WWTR1: variants seen among roughly 807,000 people sequenced by gnomAD.
The protein encoded by WWTR1 is WW domain containing transcription regulator 1.
WWTR1 carries 13 observed loss-of-function variants against 40.1 expected under a neutral mutation model. The ratio of observed to expected loss-of-function variants is 0.32; its 90% CI spans 0.21 to 0.52. The LOEUF is 0.52. WWTR1 is among the 20% of genes least tolerant of loss of function. The pLI, the probability that WWTR1 is intolerant of heterozygous loss-of-function variation, is 0.97. For missense variants in WWTR1, 436 were observed against 523.1 expected, an observed-to-expected ratio of 0.83 and a Z score of 1.63; for synonymous variants, 230 against 210.1, an observed-to-expected ratio of 1.09 and a Z score of -0.82.
At chr3:149,581,740 G>C (rs1738159502) in intron 2 of WWTR1, among the ~76,000 whole-genome samples, 1 of 152,170 alleles carries the variant, frequency 6.6e-6, no homozygotes, top group Non-Finnish European at 1.5e-5. Flanking sequence ...TTGCCAAGAA[G>C]TTTCCACTTG....
intron 5 of WWTR1, among the ~76,000 whole-genome samples, chr3:149,713,827 G>T (rs529028322): frequency 6.6e-6 from 1 of 152,222 alleles, no homozygotes; most frequent in African/African-American, 2.4e-5. Context: ...CCTGTGGCAC[G>T]CATCCCTGAG....
chr3:149,583,839 A>G (rs547368827), intron 2 of WWTR1, among the ~76,000 whole-genome samples: 130 of 152,330 alleles, frequency 8.5e-4, no homozygotes, highest in African/African-American at 3.0e-3. Context: ...AACAACGAGC[A>G]GTATGGTGGT....
chr3:149,657,138 C>T lies in WWTR1; in HGVS notation c.169G>A (p.Asp57Asn). Residue 57 changes from aspartate (D) to asparagine (N), a missense_variant, in exon 2 of 7, where the codon GAT becomes AAT. Physicochemically the swap from Asp to Asn is conservative, Grantham distance 23. Transcript: ENST00000360632. ...ILPESFFKEP[D>N]SGSHSRQSST... is the part of the protein sequence containing the mutation. ...GACTGGCGCGAGTGCGAGCCCGAAT[C>T]AGGCTCCTTAAAGAAAGACTCCGGC... is the stretch of plus-strand genomic sequence containing the variant. The T allele has an allele frequency of 6.3e-7, 1 of 1,599,058 alleles. No individual in the cohort carries two copies. The highest frequency in any genetic ancestry group is 2.2e-5 in the East Asian group (1 of 44,544).
At chr3:149,641,718 C>T (rs1712182083) in intron 2 of WWTR1, among the ~76,000 whole-genome samples, 1 of 152,172 alleles carries the variant, frequency 6.6e-6, no homozygotes, top group Non-Finnish European at 1.5e-5. Flanking sequence ...CCAAATTGTC[C>T]ATAATGACCC....
At chr3:149,620,489 T>C (rs962671966) in intron 2 of WWTR1, among the ~76,000 whole-genome samples, 38 of 152,032 alleles carry the variant, frequency 2.5e-4, no homozygotes, top group African/African-American at 9.2e-4. Context: ...CCTTCAAACT[T>C]AGTTCCAAGT....
chr3:149,679,646 A>G (rs200281992), intron 1 of WWTR1, among the ~76,000 whole-genome samples: 257 of 100,874 alleles, frequency 2.5e-3, no homozygotes, highest in South Asian at 0.02. Context: ...GAATGGTGGG[A>G]AAAAAAAAAA....
chr3:149,559,064 C>T (rs2107970613), intron 3 of WWTR1, among the ~76,000 whole-genome samples: 1 of 152,238 alleles, frequency 6.6e-6, no homozygotes, highest in East Asian at 1.9e-4. Flanking sequence ...GAGGCCAAGG[C>T]AGGCAGATCA....
intron 2 of WWTR1, among the ~76,000 whole-genome samples, chr3:149,627,319 C>T (rs1026912142): frequency 6.6e-6 from 1 of 152,190 alleles, no homozygotes; most frequent in Non-Finnish European, 1.5e-5. Context: ...GAAACATCCA[C>T]CCCATTTTCA....
chr3:149,666,258 G>T (rs543632067), intron 2 of WWTR1, among the ~76,000 whole-genome samples: 56 of 152,184 alleles, frequency 3.7e-4, no homozygotes, highest in African/African-American at 1.1e-3. Context: ...CACTTTTCAT[G>T]CCTGGTCAAA....
At chr3:149,555,706 A>C (rs1237099563) in intron 3 of WWTR1, among the ~76,000 whole-genome samples, 5 of 149,776 alleles carry the variant, frequency 3.3e-5, no homozygotes, top group African/African-American at 1.2e-4. Flanking sequence ...TTATAGAACT[A>C]TAGATGATTT....
intron 2 of WWTR1, among the ~76,000 whole-genome samples, chr3:149,623,333 A>G (rs926902753): frequency 2.0e-5 from 3 of 152,240 alleles, no homozygotes; most frequent in African/African-American, 7.2e-5. Context: ...ACTGCACTCC[A>G]GCCTGGGCAA....
intron 1 of WWTR1, among the ~76,000 whole-genome samples, chr3:149,689,380 C>CAAAAAAAAAAAAA (rs3044083): frequency 1.6e-4 from 6 of 36,706 alleles, no homozygotes; most frequent in Admixed American, 4.9e-4. Context: ...GAACCTATCT[C>CAAAAAAAAAAAAA]AAAAAAAAAA....
intron 3 of WWTR1, among the ~76,000 whole-genome samples, chr3:149,568,678 G>A (rs1181318165): frequency 6.6e-6 from 1 of 152,064 alleles, no homozygotes; most frequent in Non-Finnish European, 1.5e-5. Flanking sequence ...CTCACTCCAG[G>A]ATGACTAAGT....
At chr3:149,573,904 C>T (rs1737759999) in intron 2 of WWTR1, among the ~76,000 whole-genome samples, 1 of 151,940 alleles carries the variant, frequency 6.6e-6, no homozygotes, top group South Asian at 2.1e-4. Flanking sequence ...GAGACTCTGT[C>T]CCACTCCATC....
At chr3:149,697,064 A>G (rs190361619) in intron 1 of WWTR1, among the ~76,000 whole-genome samples, 3 of 152,210 alleles carry the variant, frequency 2.0e-5, no homozygotes, top group Non-Finnish European at 4.4e-5. Context: ...TGCTCCAGTA[A>G]GAACCACAGC....
upstream of WWTR1, among the ~76,000 whole-genome samples, chr3:149,703,920 T>G (rs1162430056): frequency 2.6e-5 from 4 of 152,180 alleles, no homozygotes; most frequent in Non-Finnish European, 5.9e-5. Flanking sequence ...TGAGCCAAAA[T>G]AAACCTCTTT....
At chr3:149,690,782 C>G (rs931611917) in intron 1 of WWTR1, among the ~76,000 whole-genome samples, 1 of 152,182 alleles carries the variant, frequency 6.6e-6, no homozygotes, top group Non-Finnish European at 1.5e-5. Context: ...TAGATGTTTA[C>G]AAAACATTTC....
chr3:149,570,429 C>A (rs760907731), intron 3 of WWTR1, among the ~76,000 whole-genome samples: 1 of 151,852 alleles, frequency 6.6e-6, no homozygotes, highest in South Asian at 2.1e-4. Flanking sequence ...ATTAGCTGGG[C>A]GTGATGATAC....
At chr3:149,695,794 AAT>A (rs752351282) in intron 1 of WWTR1, among the ~76,000 whole-genome samples, 10 of 140,750 alleles carry the variant, frequency 7.1e-5, no homozygotes, top group Non-Finnish European at 1.2e-4. Flanking sequence ...AAAAGAAAAA[AAT>A]ATATATATAT....
Sources: allele counts gnomAD v4.1 joint callset (sites outside exome capture counted in the v4.1 genomes callset), GRCh38; gene constraint gnomAD v4.1.1; transcripts MANE v1.5; gene names NCBI Gene and HGNC (gene_info 2026-07-23, HGNC 2026-07-21).